Variants in ANKRD44 observed in about 807,000 individuals in gnomAD.
ANKRD44 encodes the protein serine/threonine-protein phosphatase 6 regulatory ankyrin repeat subunit B.
In ANKRD44, 35 loss-of-function variants were observed where a neutral mutation model predicts 116.0. The ratio of observed to expected loss-of-function variants is 0.30; its 90% confidence interval spans 0.23 to 0.40. The LOEUF (loss-of-function observed/expected upper bound fraction) is 0.40, where lower values mean the gene tolerates loss of function less well. ANKRD44 is among the 10% of genes least tolerant of loss of function. The pLI is 1.00. For missense variants in ANKRD44, 1,014 were observed against 1,242.6 expected (o/e 0.82, Z 2.77); for synonymous variants, 435 against 461.8 (o/e 0.94, Z 0.74).
At chr2:196,986,116 T>G (rs1023994321), downstream of ANKRD44, among the ~76,000 whole-genome samples, 2 of 152,204 alleles carry the variant, frequency 1.3e-5, no homozygotes, top group Admixed American at 6.5e-5. Context: ...TGTTTTAAAT[T>G]TTATGGTTCC....
At chr2:197,211,923 T>C (rs995231444) in intron 1 of ANKRD44, among the ~76,000 whole-genome samples, 1 of 151,930 alleles carries the variant, frequency 6.6e-6, no homozygotes, top group Middle Eastern at 3.2e-3. Flanking sequence ...ACCTCGGGAC[T>C]CCAATCACTT....
intron 4 of ANKRD44, among the ~76,000 whole-genome samples, chr2:197,128,485 T>C (rs2079027718): frequency 6.6e-6 from 1 of 152,138 alleles, no homozygotes. Flanking sequence ...TTTAAAGGGG[T>C]TTTTTATTTC....
intron 1 of ANKRD44, among the ~76,000 whole-genome samples, chr2:197,210,241 G>C (rs2081295348): frequency 6.6e-6 from 1 of 152,186 alleles, no homozygotes; most frequent in Admixed American, 6.5e-5. Context: ...GGACTGTCTT[G>C]AATCCAATGC....
chr2:197,061,829 G>A (rs1342538860), intron 16 of ANKRD44, among the ~76,000 whole-genome samples: 1 of 150,946 alleles, frequency 6.6e-6, no homozygotes, highest in Admixed American at 6.6e-5. Flanking sequence ...TGTCCAGGCT[G>A]GAGTGCAATG....
At chr2:197,206,596 T>C (rs557199146) in intron 1 of ANKRD44, among the ~76,000 whole-genome samples, 7 of 152,092 alleles carry the variant, frequency 4.6e-5, no homozygotes, top group African/African-American at 9.6e-5. Flanking sequence ...GGTAGGAGAA[T>C]GGCTTGAACC....
chr2:197,298,811 G>T (rs2083804339), intron 1 of ANKRD44, among the ~76,000 whole-genome samples: 1 of 152,064 alleles, frequency 6.6e-6, no homozygotes, highest in Admixed American at 6.5e-5. Flanking sequence ...CAGGTACTCA[G>T]GAGGCTGAGG....
At position 196,989,406 on chromosome 2, in the gene ANKRD44, A is replaced by G; in HGVS notation, c.*185T>C. 8.3e-7 allele frequency: 1 copy of G among 1,204,134 alleles called. No homozygotes were observed. Among genetic ancestry groups the G allele is most frequent in the Non-Finnish European group, 1.0e-6 (1 of 966,774 alleles). The allele number at this position is 1,204,134 out of a possible 1,614,324, so 74.6% of individuals were successfully genotyped here. ...CAGAAAGATTACATTTAACTCCATA[A>G]AAAAGCTACTTCAGTTCTCACTTGC... is the stretch of plus-strand genomic sequence containing the variant. On this transcript the variant is annotated 3_prime_UTR_variant, in exon 28 of 28. Transcript: ENST00000282272.
At chr2:197,002,229 G>T (rs1356493894) in intron 21 of ANKRD44, among the ~76,000 whole-genome samples, 1 of 152,188 alleles carries the variant, frequency 6.6e-6, no homozygotes, top group Non-Finnish European at 1.5e-5. Context: ...CTTACATTAT[G>T]CATTCTAGTG....
At chr2:197,288,250 T>A (rs1480173115) in intron 1 of ANKRD44, among the ~76,000 whole-genome samples, 1 of 152,086 alleles carries the variant, frequency 6.6e-6, no homozygotes, top group East Asian at 1.9e-4. Flanking sequence ...CAGAGTGGAA[T>A]ATAAGGAAAA....
At position 197,107,517 on chromosome 2, in the gene ANKRD44, T is replaced by G. The variant is rs554009350; in HGVS notation, c.985+3249A>C. Among the ~76,000 whole-genome samples, 12 of 138,628 alleles carry G rather than the reference T, an allele frequency of 8.7e-5. No individual in the cohort carries two copies. In the South Asian group the frequency reaches 2.3e-3, roughly 27 times the overall value. The allele number at this position is 138,628 out of a possible 152,430, so 90.9% of individuals were successfully genotyped here. On this transcript the variant is annotated intron_variant, in intron 9 of 27. Coordinates refer to ENST00000282272, the MANE Select transcript of ANKRD44 (RefSeq NM_001195144.2). ...GCTTACTAACTAAAAAAGAGTGGGG[T>G]TTTTTTTTTCATTATTGTCTTACTA...
intron 25 of ANKRD44, among the ~76,000 whole-genome samples, chr2:196,997,370 C>G (rs982058526): frequency 1.3e-5 from 2 of 150,170 alleles, no homozygotes; most frequent in African/African-American, 2.5e-5. Context: ...TTATACGATT[C>G]AGCAACATAA....
intron 1 of ANKRD44, among the ~76,000 whole-genome samples, chr2:197,257,651 T>C (rs2082486167): frequency 6.6e-6 from 1 of 152,174 alleles, no homozygotes; most frequent in African/African-American, 2.4e-5. Context: ...CTCCATGATG[T>C]ACTTATTTCA....
intron 1 of ANKRD44, among the ~76,000 whole-genome samples, chr2:197,238,622 C>T (rs1160404025): frequency 1.3e-5 from 2 of 152,048 alleles, no homozygotes; most frequent in Non-Finnish European, 2.9e-5. Context: ...ATTTCTCCCT[C>T]GTTGTAAACA....
At chr2:197,143,145 G>A (rs891606949) in intron 3 of ANKRD44, among the ~76,000 whole-genome samples, 2 of 34,996 alleles carry the variant, frequency 5.7e-5, no homozygotes, top group Admixed American at 1.0e-3. Flanking sequence ...TTTCTCTGTA[G>A]GATCTTTTTT....
intron 16 of ANKRD44, among the ~76,000 whole-genome samples, chr2:197,049,038 T>TC (rs1168161995): frequency 1.3e-5 from 2 of 152,236 alleles, no homozygotes; most frequent in African/African-American, 2.4e-5. Context: ...GGTTTTTTTT[T>TC]CTTGCAAATC....
intron 2 of ANKRD44, among the ~76,000 whole-genome samples, chr2:197,180,122 C>T (rs1209936269): frequency 6.6e-6 from 1 of 151,736 alleles, no homozygotes; most frequent in Non-Finnish European, 1.5e-5. Context: ...AAGTGCAGGC[C>T]ACTGCTCTTC....
chr2:197,122,533 G>A, intron 7 of ANKRD44, 117 bp downstream of exon 7: 1 of 1,362,420 alleles, frequency 7.3e-7, no homozygotes, highest in Non-Finnish European at 9.9e-7. Context: ...AAAAAGACAG[G>A]ATGCTAGAAA....
intron 16 of ANKRD44, among the ~76,000 whole-genome samples, chr2:197,045,494 T>G (rs945912378): frequency 6.6e-6 from 1 of 152,188 alleles, no homozygotes; most frequent in South Asian, 2.1e-4. Context: ...ACCCCTGTTA[T>G]TCATTCATAG....
chr2:197,248,065 A>C (rs1201729300), intron 1 of ANKRD44, among the ~76,000 whole-genome samples: 3 of 152,182 alleles, frequency 2.0e-5, no homozygotes, highest in Admixed American at 2.0e-4. Context: ...GAAGCAGAGA[A>C]AAAGAAAGTA....
Sources: allele counts gnomAD v4.1 joint callset (sites outside exome capture counted in the v4.1 genomes callset), GRCh38; gene constraint gnomAD v4.1.1; transcripts MANE v1.5; gene names NCBI Gene and HGNC (gene_info 2026-07-23, HGNC 2026-07-21).